The following HADH variants were observed in gnomAD, a reference collection of about 807,000 sequenced individuals.
HADH encodes hydroxyacyl-CoA dehydrogenase, also known as hydroxyacyl-coenzyme A dehydrogenase, mitochondrial.
Under a neutral mutation model 32.2 loss-of-function variants are expected in HADH, and 24 were observed. The ratio of observed to expected loss-of-function variants is 0.75; its 90% CI spans 0.54 to 1.05. The LOEUF is 1.05. Ranked by LOEUF, HADH falls within the 50% of genes least tolerant of loss-of-function variation. HADH has a pLI of 0.00. For synonymous variants in HADH, 139 were observed against 152.5 expected, an observed-to-expected ratio of 0.91 and a Z score of 0.65; for missense variants, 350 against 397.1, an observed-to-expected ratio of 0.88 and a Z score of 1.01.
rs765353149 is a variant in HADH at position 108,009,825 on chromosome 4, A to G, written c.199A>G (p.Lys67Glu). Reference sequence around the variant, plus strand: ...GACAGAGGACATCCTGGCAAAATCCAAAAAGGGAATTGAGGAAAGCCTTAG... The same window carrying G: ...GACAGAGGACATCCTGGCAAAATCCGAAAAGGGAATTGAGGAAAGCCTTAG... ...DQTEDILAKSKKGIEESLRKV... is the reference protein window; with the variant it reads ...DQTEDILAKSEKGIEESLRKV... Residue 67 changes from lysine (K) to glutamate (E), a missense_variant, in exon 2 of 8, where the codon AAA (lysine) becomes GAA (glutamate). By Grantham distance (56) the Lys-to-Glu change is moderately conservative. Transcript: ENST00000309522. 1 of 1,611,606 alleles carries G rather than the reference A, an allele frequency of 6.2e-7. No homozygotes were observed. The highest frequency in any genetic ancestry group is 2.2e-5 in the East Asian group (1 of 44,870).
chr4:107,995,489 T>C (rs1195154431), intron 1 of HADH, among the ~76,000 whole-genome samples: 1 of 152,202 alleles, frequency 6.6e-6, no homozygotes, highest in East Asian at 1.9e-4. Flanking sequence ...AGTTTTGATA[T>C]AGGGAGTTCC....
rs747476251 is a variant in HADH at position 108,027,747 on chromosome 4, G to A, written c.696G>A (p.Arg232=). ...LLVPYLMEAI[R]LYERGDASKE... The stretch of plus-strand genomic sequence containing the variant: ...TTCCATACCTCATGGAAGCAATCAG[G>A]CTGTATGAACGAGGTATCCTTCTGA... The change falls in exon 6 of 8, where the codon AGG becomes AGA. Residue 232 remains arginine, a synonymous_variant. Transcript: ENST00000309522. The A allele has an allele frequency of 1.9e-6, 3 of 1,600,760 alleles. No individual in the cohort carries two copies. The highest frequency in any genetic ancestry group is 1.3e-5 in the African/African-American group (1 of 74,604).
intron 3 of HADH, among the ~76,000 whole-genome samples, chr4:108,017,741 G>A (rs1735743449): frequency 1.3e-5 from 2 of 152,054 alleles, no homozygotes; most frequent in Admixed American, 6.6e-5. Context: ...TTTTAGTAGA[G>A]ACGGGGCATG....
intron 1 of HADH, among the ~76,000 whole-genome samples, chr4:107,999,953 G>C (rs1735071390): frequency 6.6e-6 from 1 of 152,118 alleles, no homozygotes; most frequent in African/African-American, 2.4e-5. Flanking sequence ...AGGAAAAAGG[G>C]ACATTAAAAA....
intron 3 of HADH, among the ~76,000 whole-genome samples, chr4:108,015,881 C>T (rs928378660): frequency 3.3e-5 from 5 of 151,998 alleles, no homozygotes; most frequent in Non-Finnish European, 7.4e-5. Flanking sequence ...CTTCTGTGCT[C>T]CACTCTCGGG....
intron 2 of HADH, 22 bp downstream of exon 2, chr4:108,009,909 C>G: frequency 6.4e-7 from 1 of 1,557,158 alleles, no homozygotes; most frequent in Non-Finnish European, 8.8e-7. Context: ...TTATCGATGT[C>G]TTCAAGACAA....
chr4:108,015,893 A>G (rs919847571), intron 3 of HADH, among the ~76,000 whole-genome samples: 6 of 152,056 alleles, frequency 3.9e-5, no homozygotes, highest in African/African-American at 1.2e-4. Context: ...ACTCTCGGGC[A>G]TAGGAGTACC....
Position 107,994,676 on chromosome 4 carries a change from C to A in HADH, c.132+4612C>A, listed in dbSNP as rs1578241452. On this transcript the variant is annotated intron_variant, in intron 1 of 7. Transcript: ENST00000309522. ...GTTCCTTATGGAGGGAATATTTGTA[C>A]TCCCAGTTGTTACCTTCCTGCTGAA... 3.9e-5 allele frequency among the ~76,000 whole-genome samples: 6 copies of A among 152,266 alleles called. 1 individual carries two copies. The South Asian group carries it at 1.2e-3, about 32-fold the overall frequency.
chr4:107,990,222 C>T (rs559183620), intron 1 of HADH, among the ~76,000 whole-genome samples, 158 bp downstream of exon 1: 38 of 152,300 alleles, frequency 2.5e-4, no homozygotes, highest in African/African-American at 9.1e-4. Context: ...GCGTCTGGGC[C>T]TGTGAGGGCC....
chr4:108,023,239 G>A (rs750934395), intron 4 of HADH, among the ~76,000 whole-genome samples: 5 of 152,060 alleles, frequency 3.3e-5, no homozygotes, highest in Non-Finnish European at 7.4e-5. Context: ...TGATCTGCCC[G>A]CTTCAGCCTC....
chr4:108,028,893 T>C (rs1440613312), intron 6 of HADH: 2 of 398,508 alleles, frequency 5.0e-6, no homozygotes, highest in Non-Finnish European at 8.8e-6. Context: ...CCTCTTCTTG[T>C]CTGTGGTCCC....
chr4:108,014,241 C>T (rs544979934), intron 2 of HADH, among the ~76,000 whole-genome samples, 190 bp from the exon 3 acceptor site: 3 of 152,346 alleles, frequency 2.0e-5, no homozygotes, highest in Non-Finnish European at 2.9e-5. Flanking sequence ...AGCACCACCT[C>T]AAGACTAATG....
intron 1 of HADH, chr4:108,004,630 A>G (rs757402773): frequency 1.1e-5 from 17 of 1,503,200 alleles, no homozygotes; most frequent in Admixed American, 2.0e-5. Context: ...GAGTAACTGG[A>G]AGCCATAACC....
At chr4:107,999,474 T>C (rs771156411) in intron 1 of HADH, among the ~76,000 whole-genome samples, 2 of 152,222 alleles carry the variant, frequency 1.3e-5, no homozygotes, top group Non-Finnish European at 2.9e-5. Context: ...GGCTATTAGC[T>C]CCTTTTTTTT....
At position 108,029,107 on chromosome 4, in the gene HADH, G is replaced by C. The variant is rs943136814; in HGVS notation, c.709+1347G>C. The C allele has an allele frequency of 3.1e-5, 12 of 386,014 alleles. No homozygotes were observed. In the South Asian group the frequency reaches 8.7e-4, roughly 28 times the overall value. 23.9% of individuals were successfully genotyped at this position (386,014 alleles called of 1,614,324 possible). A position where few individuals can be genotyped will look rare whatever the true frequency, so the allele number is the denominator to read the frequency against. On this transcript the variant is annotated intron_variant, in intron 6 of 7. Transcript: ENST00000309522. ...CTGAAGTTGCTGGGTGTCCTGCCTG[G>C]GGTGGGTGCTGCTTCCCTACTGCAC... is the stretch of plus-strand genomic sequence containing the variant.
chr4:108,009,716 G>A (rs377462020), intron 1 of HADH, 43 bp from the exon 2 acceptor site: 52 of 1,604,942 alleles, frequency 3.2e-5, no homozygotes, highest in Non-Finnish European at 6.0e-6. Context: ...TGCGTGTTAT[G>A]TTTTCTTTCT....
At chr4:108,004,751 G>T in intron 1 of HADH, 1 of 1,535,150 alleles carries the variant, frequency 6.5e-7, no homozygotes. Flanking sequence ...GATTTTTAAG[G>T]TCAAAAGAAG....
intron 2 of HADH, 45 bp from the exon 3 acceptor site, chr4:108,014,386 C>A: frequency 6.2e-7 from 1 of 1,611,748 alleles, no homozygotes; most frequent in Non-Finnish European, 8.5e-7. Flanking sequence ...AAGATAATTT[C>A]CAGTGAGCCC....
intron 4 of HADH, among the ~76,000 whole-genome samples, chr4:108,020,596 T>C (rs1735851965): frequency 6.6e-6 from 1 of 152,208 alleles, no homozygotes; most frequent in Non-Finnish European, 1.5e-5. Context: ...TTTGGAATGC[T>C]TGGAGACTCC....
Sources: gnomAD v4.1 joint callset for allele counts (sites outside exome capture counted in the v4.1 genomes callset) on GRCh38, gnomAD v4.1.1 for gene constraint, MANE v1.5 for transcripts, NCBI Gene and HGNC (gene_info 2026-07-23, HGNC 2026-07-21) for gene names.